Variants in CCSER1 observed in about 807,000 individuals in gnomAD.
The protein encoded by CCSER1 is coiled-coil serine rich protein 1, also known as serine-rich coiled-coil domain-containing protein 1.
A neutral mutation model predicts 82.0 loss-of-function variants in CCSER1; 41 were observed. That is an observed-to-expected ratio of 0.50 (90% CI 0.39 to 0.65). CCSER1 has a LOEUF of 0.65. Among genes scored for constraint, CCSER1 ranks in the 30% least tolerant of loss-of-function variants. The pLI is 0.00. For missense variants in CCSER1, 1,119 were observed against 1,064.2 expected, an observed-to-expected ratio of 1.05 and a Z score of -0.72; for synonymous variants, 414 against 383.9, an observed-to-expected ratio of 1.08 and a Z score of -0.92.
intron 1 of CCSER1, among the ~76,000 whole-genome samples, chr4:90,202,412 A>G (rs1737915155): frequency 6.6e-6 from 1 of 152,232 alleles, no homozygotes; most frequent in African/African-American, 2.4e-5. Flanking sequence ...CGTGTTGTCC[A>G]GGCTAGTCTC....
intron 5 of CCSER1, among the ~76,000 whole-genome samples, chr4:90,609,972 G>A (rs9884220): frequency 0.28 from 42,840 of 151,962 alleles, 6,304 homozygotes; most frequent in East Asian, 0.36. Context: ...AAAATGTGAG[G>A]CCAGGCGCGG....
intron 4 of CCSER1, among the ~76,000 whole-genome samples, chr4:90,442,043 A>G (rs1273959725): frequency 1.3e-5 from 2 of 152,148 alleles, no homozygotes; most frequent in East Asian, 3.9e-4. Flanking sequence ...TCTCTATATT[A>G]CTCACAAAAG....
At chr4:90,923,569 C>G (rs1728685163) in intron 9 of CCSER1, 122 bp downstream of exon 9, 1 of 649,062 alleles carries the variant, frequency 1.5e-6, no homozygotes, top group Admixed American at 2.7e-5. Context: ...GTGCACCATT[C>G]ATCTTTTGCT....
At chr4:90,875,287 C>T (rs1767058537) in intron 8 of CCSER1, among the ~76,000 whole-genome samples, 1 of 152,088 alleles carries the variant, frequency 6.6e-6, no homozygotes, top group Non-Finnish European at 1.5e-5. Context: ...AATGCCTTCA[C>T]TTTCATACAA....
intron 10 of CCSER1, among the ~76,000 whole-genome samples, chr4:91,509,854 T>G: frequency 6.6e-6 from 1 of 152,154 alleles, no homozygotes; most frequent in East Asian, 1.9e-4. Context: ...TTTTACATAA[T>G]TTCAACTTTT....
At chr4:90,470,778 A>AAC (rs1764278290) in intron 5 of CCSER1, among the ~76,000 whole-genome samples, 1 of 150,750 alleles carries the variant, frequency 6.6e-6, no homozygotes, top group African/African-American at 2.5e-5. Flanking sequence ...AAAAAAAAAA[A>AAC]AAACAAAACA....
In CCSER1 at chr4:91,490,838, C is replaced by A. The variant is rs377147309; in HGVS notation, c.2218-107734C>A. On this transcript the variant is annotated intron_variant, in intron 10 of 10. Coordinates refer to ENST00000509176, the MANE Select transcript of CCSER1 (RefSeq NM_001145065.2). ...CATTTACCCTGATATGATGATTACACATTGTATGCCTGTATCAAAATATCT... is the reference window on the plus strand; with the variant it reads ...CATTTACCCTGATATGATGATTACAAATTGTATGCCTGTATCAAAATATCT... Among the ~76,000 whole-genome samples, 4 of 104,810 alleles carry A rather than the reference C, an allele frequency of 3.8e-5. No homozygotes were observed. In the East Asian group the frequency reaches 1.3e-3, roughly 33 times the overall value. The allele number at this position is 104,810 out of a possible 152,430, so 68.8% of individuals were successfully genotyped here.
intron 7 of CCSER1, among the ~76,000 whole-genome samples, chr4:90,742,575 C>G (rs977449045): frequency 1.3e-5 from 2 of 152,094 alleles, no homozygotes; most frequent in Non-Finnish European, 2.9e-5. Flanking sequence ...TCACTAGCCC[C>G]TGAATCTGCT....
At chr4:90,562,713 T>C (rs2153648544) in intron 5 of CCSER1, among the ~76,000 whole-genome samples, 1 of 152,010 alleles carries the variant, frequency 6.6e-6, no homozygotes, top group Admixed American at 6.6e-5. Flanking sequence ...AATTTTTGTA[T>C]TTTTAGTAGA....
In CCSER1 at chr4:91,599,156, T is replaced by C; in HGVS notation, c.*99T>C. The C allele has an allele frequency of 2.2e-6, 3 of 1,366,860 alleles. No individual in the cohort carries two copies. The highest frequency in any genetic ancestry group is 2.9e-6 in the Non-Finnish European group (3 of 1,031,308). 84.7% of individuals were successfully genotyped at this position (1,366,860 alleles called of 1,614,324 possible). On this transcript the variant is annotated 3_prime_UTR_variant, in exon 11 of 11. Transcript: ENST00000509176. ...TTGTCATGTACTTTTTCTTACATTTTAGTTATAAACAGAGTTGTGTTGTTG... is the reference window on the plus strand; with the variant it reads ...TTGTCATGTACTTTTTCTTACATTTCAGTTATAAACAGAGTTGTGTTGTTG...
intron 9 of CCSER1, among the ~76,000 whole-genome samples, chr4:91,013,137 G>C (rs1739134788): frequency 7.4e-6 from 1 of 134,376 alleles, no homozygotes; most frequent in Non-Finnish European, 1.7e-5. Flanking sequence ...CGAAAGATAA[G>C]GGCTTCTAAT....
intron 5 of CCSER1, among the ~76,000 whole-genome samples, chr4:90,601,067 A>G (rs1783976417): frequency 6.6e-6 from 1 of 151,964 alleles, no homozygotes; most frequent in Non-Finnish European, 1.5e-5. Context: ...TAGTAATTTC[A>G]GATTTTCTAA....
intron 1 of CCSER1, among the ~76,000 whole-genome samples, chr4:90,234,683 G>A (rs1483789733): frequency 1.3e-5 from 2 of 152,112 alleles, no homozygotes; most frequent in Non-Finnish European, 2.9e-5. Context: ...ACTCTGCTAA[G>A]TTATTTATTT....
intron 6 of CCSER1, among the ~76,000 whole-genome samples, chr4:90,648,335 AAGAAAG>A (rs1331231320): frequency 1.8e-4 from 27 of 149,242 alleles, no homozygotes; most frequent in African/African-American, 5.2e-4. Flanking sequence ...GAAAGAAAGA[AAGAAAG>A]AGAGTTGCCC....
rs564953949 is a variant in CCSER1 at position 90,500,114 on chromosome 4, G to A, written c.1724+31760G>A. 3.9e-5 allele frequency among the ~76,000 whole-genome samples: 6 copies of A among 152,116 alleles called. No individual in the cohort carries two copies. In the South Asian group the frequency reaches 1.2e-3, roughly 32 times the overall value. On this transcript the variant is annotated intron_variant, in intron 5 of 10. Transcript: ENST00000509176. Reference sequence around the variant, plus strand: ...ATCAATAAAGACCCTGGCGTTTGAAGGGCATATTATTCTTTTTCCCTTTTT... The same window carrying A: ...ATCAATAAAGACCCTGGCGTTTGAAAGGCATATTATTCTTTTTCCCTTTTT...
rs149883754 is a variant in CCSER1 at position 91,269,939 on chromosome 4, A to G, written c.2217+183945A>G. 6.4e-4 allele frequency among the ~76,000 whole-genome samples: 97 copies of G among 152,330 alleles called. No individual in the cohort carries two copies. The East Asian group carries it at 0.01, about 16-fold the overall frequency. On this transcript the variant is annotated intron_variant, in intron 10 of 10. Transcript: ENST00000509176. ...AATAAGCAAACCAAATCCCCTGATA[A>G]GTGAAAGTTCTTTTATGAATTATAT...
chr4:90,564,605 A>G (rs919694040), intron 5 of CCSER1, among the ~76,000 whole-genome samples: 3 of 151,558 alleles, frequency 2.0e-5, no homozygotes, highest in African/African-American at 7.3e-5. Flanking sequence ...TGCCCACTCT[A>G]ATGTCTTGGA....
chr4:90,918,165 TTAAC>T, intron 8 of CCSER1: 1 of 390,306 alleles, frequency 2.6e-6, no homozygotes, highest in Non-Finnish European at 5.1e-6. Context: ...GTTAATTGTA[TTAAC>T]TAACATACTA....
intron 10 of CCSER1, among the ~76,000 whole-genome samples, chr4:91,089,937 G>A (rs994626425): frequency 2.6e-5 from 4 of 152,210 alleles, no homozygotes; most frequent in Non-Finnish European, 5.9e-5. Flanking sequence ...TTCAGAACTA[G>A]TCTATTTTGG....
Sources: gnomAD v4.1 joint callset for allele counts (sites outside exome capture counted in the v4.1 genomes callset) on GRCh38, gnomAD v4.1.1 for gene constraint, MANE v1.5 for transcripts, NCBI Gene and HGNC (gene_info 2026-07-23, HGNC 2026-07-21) for gene names.